The following AIFM1 variants were observed in gnomAD, a reference collection of about 807,000 sequenced individuals.
AIFM1 encodes apoptosis-inducing factor 1, mitochondrial.
Under a neutral mutation model 51.7 loss-of-function variants are expected in AIFM1, and 3 were observed. The ratio of observed to expected loss-of-function variants is 0.06; its 90% CI spans 0.03 to 0.15. The LOEUF (loss-of-function observed/expected upper bound fraction) is 0.15. Among genes scored for constraint, AIFM1 ranks in the 10% least tolerant of loss-of-function variants. The pLI is 1.00. For synonymous variants in AIFM1, 178 were observed against 179.4 expected (o/e 0.99, Z 0.06); for missense variants, 330 against 476.8 (o/e 0.69, Z 2.87).
chrX:130,147,350 C>T, intron 5 of AIFM1, 143 bp downstream of exon 5: 1 of 722,191 alleles, frequency 1.4e-6, no homozygotes, highest in Non-Finnish European at 2.1e-6. Context: ...TATCTCTAAG[C>T]TGTACCAAGT....
chrX:130,147,519 G>A lies in AIFM1; in HGVS notation c.579C>T (p.Phe193=). Residue 193 remains phenylalanine (F), a synonymous_variant, in exon 5 of 16, where the codon TTC becomes TTT. Transcript: ENST00000287295. ...DDPNVTKTLR[F]KQWNGKERSI... is the part of the protein sequence containing the mutation. The stretch of plus-strand genomic sequence containing the variant: ...TTCTCTCTTTTCCATTCCACTGTTT[G>A]AATCGCAGTGTCTTTGTGACATTTG... 8.3e-7 allele frequency: 1 copy of A among 1,211,865 alleles called. No individual in the cohort carries two copies. Among genetic ancestry groups the A allele is most frequent in the Non-Finnish European group, 1.1e-6 (1 of 895,519 alleles).
chrX:130,132,427 A>G (rs187056696), intron 13 of AIFM1, among the ~76,000 whole-genome samples: 300 of 112,628 alleles, frequency 2.7e-3, no homozygotes, highest in Non-Finnish European at 4.7e-3. Flanking sequence ...GCTATTCACT[A>G]CTTTTGTCTT....
intron 9 of AIFM1, chrX:130,137,834 G>A (rs1437278650): frequency 3.2e-5 from 24 of 758,570 alleles, no homozygotes; most frequent in Non-Finnish European, 3.9e-5. Context: ...TGGCCGAGGT[G>A]GGTGGATCAC....
intron 8 of AIFM1, among the ~76,000 whole-genome samples, 173 bp downstream of exon 8, chrX:130,139,622 G>A (rs1041249401): frequency 9.0e-6 from 1 of 110,881 alleles, no homozygotes; most frequent in African/African-American, 3.3e-5. Context: ...CCTTGAGTGA[G>A]GTATCTGAGG....
In AIFM1 at chrX:130,144,495, T is replaced by C. The variant is rs183327775; in HGVS notation, c.696+984A>G. 4.5e-3 allele frequency among the ~76,000 whole-genome samples: 499 copies of C among 111,735 alleles called. 3 individuals are homozygous for C. The highest frequency in any genetic ancestry group is 0.015 in the African/African-American group (475 of 30,805). On this transcript the variant is annotated intron_variant, in intron 6 of 15. Coordinates refer to ENST00000287295, the MANE Select transcript of AIFM1 (RefSeq NM_004208.4). ...TGCTTCTATTTCCTGGCACCAAACATGCTTTTTTGTGCCCTTGTGCTTTTG... is the reference window on the plus strand; with the variant it reads ...TGCTTCTATTTCCTGGCACCAAACACGCTTTTTTGTGCCCTTGTGCTTTTG...
chrX:130,155,222 T>C, intron 2 of AIFM1: 2 of 1,211,070 alleles, frequency 1.7e-6, no homozygotes, highest in Non-Finnish European at 1.1e-6. Flanking sequence ...TGCTGCCATC[T>C]TTCCCAGAAG....
chrX:130,151,418 C>T (rs1316367822), intron 2 of AIFM1, among the ~76,000 whole-genome samples: 4 of 111,125 alleles, frequency 3.6e-5, no homozygotes, highest in Non-Finnish European at 7.5e-5. Flanking sequence ...GGATTACATG[C>T]GTGAGCCACC....
chrX:130,143,220 T>C (rs2030639218), intron 6 of AIFM1, among the ~76,000 whole-genome samples: 2 of 112,008 alleles, frequency 1.8e-5, no homozygotes, highest in Non-Finnish European at 3.8e-5. Flanking sequence ...CATATGCAGA[T>C]GATTCTCAGC....
intron 9 of AIFM1, 113 bp from the exon 10 acceptor site, chrX:130,137,298 C>T (rs1434688271): frequency 6.7e-6 from 8 of 1,188,911 alleles, no homozygotes; most frequent in Non-Finnish European, 9.0e-6. Flanking sequence ...GGCAGAGCTG[C>T]AATCCAGGCC....
chrX:130,149,869 C>A (rs2030898284), intron 2 of AIFM1, among the ~76,000 whole-genome samples: 1 of 112,044 alleles, frequency 8.9e-6, no homozygotes, highest in South Asian at 3.7e-4. Flanking sequence ...AAGAAAAAAT[C>A]ATTTTATACT....
At chrX:130,135,959 TTGA>T (rs2030317570) in intron 12 of AIFM1, 83 bp downstream of exon 12, 4 of 1,150,108 alleles carry the variant, frequency 3.5e-6, no homozygotes, top group Non-Finnish European at 4.8e-6. Context: ...GGTTAGGCTG[TTGA>T]TGAGCTTTAG....
intron 2 of AIFM1, among the ~76,000 whole-genome samples, chrX:130,153,178 CAAA>C (rs34591824): frequency 2.3e-5 from 1 of 43,901 alleles, no homozygotes; most frequent in Non-Finnish European, 4.2e-5. Context: ...ACTAAAAATA[CAAA>C]AAAAAAAAAA....
Position 130,129,496 on chromosome X carries a change from C to T in AIFM1, c.*61G>A. 2 of 1,007,502 alleles carry T rather than the reference C, an allele frequency of 2.0e-6. No individual in the cohort carries two copies. The highest frequency in any genetic ancestry group is 2.5e-4 in the Middle Eastern group (1 of 3,940). 83.0% of individuals were successfully genotyped at this position (1,007,502 alleles called of 1,213,427 possible). A position where few individuals can be genotyped will look rare whatever the true frequency, so the allele number is the denominator to read the frequency against. On this transcript the variant is annotated 3_prime_UTR_variant, in exon 16 of 16. Coordinates refer to ENST00000287295, the MANE Select transcript of AIFM1 (RefSeq NM_004208.4). The stretch of plus-strand genomic sequence containing the variant: ...AAGTCTGCTGAATAAAAAAATGCTC[C>T]TTTACCCATTCGACCTCCTCTCAGG...
intron 8 of AIFM1, among the ~76,000 whole-genome samples, chrX:130,139,168 C>CA (rs778059334): frequency 0.031 from 2,902 of 92,765 alleles, 97 homozygotes; most frequent in African/African-American, 0.099. Flanking sequence ...ACTAAAAATA[C>CA]AAAAAAAAAA....
At chrX:130,152,984 T>C (rs1485014754) in intron 2 of AIFM1, among the ~76,000 whole-genome samples, 2 of 110,411 alleles carry the variant, frequency 1.8e-5, no homozygotes, top group Non-Finnish European at 3.8e-5. Context: ...AGTCATAAAA[T>C]GGGTTGTAAA....
chrX:130,134,398 T>G (rs1265615252), intron 12 of AIFM1, among the ~76,000 whole-genome samples: 1 of 111,494 alleles, frequency 9.0e-6, no homozygotes, highest in East Asian at 2.8e-4. Flanking sequence ...GAAACCAGTT[T>G]TTGGATGTGA....
intron 1 of AIFM1, among the ~76,000 whole-genome samples, chrX:130,158,884 T>C (rs373907058): frequency 6.3e-5 from 7 of 111,061 alleles, no homozygotes; most frequent in African/African-American, 2.0e-4. Flanking sequence ...TAGCATCCCA[T>C]GTATACTTGC....
At chrX:130,150,572 T>C (rs1357710147) in intron 2 of AIFM1, among the ~76,000 whole-genome samples, 8 of 105,616 alleles carry the variant, frequency 7.6e-5, no homozygotes, top group Non-Finnish European at 1.4e-4. Context: ...CCTGACCTCG[T>C]GATCTGCCCG....
intron 6 of AIFM1, among the ~76,000 whole-genome samples, chrX:130,143,130 T>C (rs1393987195): frequency 9.0e-6 from 1 of 111,552 alleles, no homozygotes; most frequent in African/African-American, 3.3e-5. Flanking sequence ...CCCAGGGCTC[T>C]ATCCTTGCCT....
Sources: gnomAD v4.1 joint callset for allele counts (sites outside exome capture counted in the v4.1 genomes callset) on GRCh38, gnomAD v4.1.1 for gene constraint, MANE v1.5 for transcripts, NCBI Gene and HGNC (gene_info 2026-07-23, HGNC 2026-07-21) for gene names.